Variants in IFFO1 observed in about 807,000 individuals in gnomAD.
The protein encoded by IFFO1 is intermediate filament family orphan 1.
Under a neutral mutation model 59.6 loss-of-function variants are expected in IFFO1, and 42 were observed. That is an observed-to-expected ratio of 0.70 (90% CI 0.55 to 0.91). IFFO1 has a LOEUF of 0.91. Ranked by LOEUF, IFFO1 falls within the 40% of genes least tolerant of loss-of-function variation. The probability of loss-of-function intolerance (pLI) is 0.00; values close to 1 mark genes in which losing one functional copy is unlikely to be tolerated. For synonymous variants in IFFO1, 336 were observed against 342.8 expected (o/e 0.98, Z 0.22); for missense variants, 711 against 793.2 (o/e 0.90, Z 1.24).
In IFFO1 at chr12:6,550,774, T is replaced by C. The variant is rs754265635; in HGVS notation, c.851A>G (p.Asp284Gly). ...NELQEEAQEADACQEELALKV... is the reference protein window; with the variant it reads ...NELQEEAQEAGACQEELALKV... The stretch of plus-strand genomic sequence containing the variant: ...CAGTGCCAGCTCCTCCTGGCAGGCA[T>C]CAGCCTCCTGGGCTTCCTGCAGTTG... Residue 284 changes from aspartate (D) to glycine (G), a missense_variant, in exon 3 of 10, where the codon GAT (aspartate) becomes GGT (glycine). Asp to Gly is a moderately conservative substitution (Grantham distance 94). Coordinates refer to ENST00000619571, the MANE Select transcript of IFFO1 (RefSeq NM_001193457.2). 2.0e-5 allele frequency: 33 copies of C among 1,613,978 alleles called. No homozygotes were observed. The highest frequency in any genetic ancestry group is 2.3e-5 in the Non-Finnish European group (27 of 1,179,968).
chr12:6,551,413 T>A, intron 1 of IFFO1: 1 of 1,301,572 alleles, frequency 7.7e-7, no homozygotes, highest in Non-Finnish European at 1.0e-6. Flanking sequence ...GTCGCACAGA[T>A]CCGGGCTCCC....
chr12:6,545,699 G>GAAAA (rs3076273), intron 8 of IFFO1, among the ~76,000 whole-genome samples: 3 of 135,368 alleles, frequency 2.2e-5, no homozygotes, highest in Admixed American at 1.5e-4. Context: ...CTCCGTCTCG[G>GAAAA]AAAAAAAAAA....
chr12:6,554,320 C>T (rs563772181), intron 1 of IFFO1, among the ~76,000 whole-genome samples: 2 of 152,286 alleles, frequency 1.3e-5, no homozygotes, highest in South Asian at 2.1e-4. Flanking sequence ...GTCAGTCACC[C>T]GCTCCCTCCT....
At position 6,540,483 on chromosome 12, in the gene IFFO1, CTA is replaced by C. The variant is rs1565560498; in HGVS notation, c.1714_1715del (p.Ter572GlufsTer133). On this transcript the variant is annotated frameshift_variant and stop_lost, in exon 10 of 10. Transcript: ENST00000619571. LOFTEE classifies it high-confidence loss of function. ...RDVSSDSSMR[*>X] ...TCGGGTGCAAGGGGGAGGCAGGTCTCTATCTCATGGAGCTGTCAGATGAGACA... is the reference window on the plus strand; with the variant it reads ...TCGGGTGCAAGGGGGAGGCAGGTCTCTCTCATGGAGCTGTCAGATGAGACA... 13 of 1,613,068 alleles carry C rather than the reference CTA, an allele frequency of 8.1e-6. No homozygotes were observed. Among genetic ancestry groups the C allele is most frequent in the Non-Finnish European group, 1.1e-5 (13 of 1,179,090 alleles).
Position 6,550,931 on chromosome 12 carries a change from C to A in IFFO1, c.834+10G>T, listed in dbSNP as rs760154205. On this transcript the variant is annotated intron_variant, in intron 2 of 9. Transcript: ENST00000619571. ...GGAAGCACCAGCAGCAAGTGGGGCG[C>A]CACCCTCACCTCCTGGAGCTCATTT... 2 of 1,614,032 alleles carry A rather than the reference C, an allele frequency of 1.2e-6. No homozygotes were observed. The highest frequency in any genetic ancestry group is 2.2e-5 in the South Asian group (2 of 91,068).
At position 6,555,148 on chromosome 12, in the gene IFFO1, A is replaced by T; in HGVS notation, c.773+109T>A. 8.9e-7 allele frequency: 1 copy of T among 1,124,552 alleles called. No homozygotes were observed. The highest frequency in any genetic ancestry group is 1.4e-6 in the Non-Finnish European group (1 of 739,882). 69.7% of individuals were successfully genotyped at this position (1,124,552 alleles called of 1,614,324 possible). On this transcript the variant is annotated intron_variant, in intron 1 of 9. Transcript: ENST00000619571. The surrounding 1 kb of genome is among the most constrained non-coding windows in gnomAD (Gnocchi z 8.6). ...CCAAGCTCCTCATTACACAGCACAA[A>T]CTTTACTCTCATTCTTTTCACCCCT...
rs1316818696 is a variant in IFFO1, at chr12:6,555,274, C to A, written c.756G>T (p.Arg252=). The A allele has an allele frequency of 6.2e-7, 1 of 1,614,170 alleles. No individual in the cohort carries two copies. The highest frequency in any genetic ancestry group is 8.5e-7 in the Non-Finnish European group (1 of 1,180,012). ...YNVLAKVKRE[R]DEYKRRWEEE... Reference sequence around the variant, plus strand: ...ATCCCTACCTCCGCTTGTACTCGTCCCGCTCCCGCTTCACTTTGGCCAGCA... The same window carrying A: ...ATCCCTACCTCCGCTTGTACTCGTCACGCTCCCGCTTCACTTTGGCCAGCA... Residue 252 remains arginine (R), a synonymous_variant, in exon 1 of 10, where the codon CGG becomes CGT. Coordinates refer to ENST00000619571, the MANE Select transcript of IFFO1 (RefSeq NM_001193457.2). The surrounding 1 kb of genome is among the most constrained non-coding windows in gnomAD (Gnocchi z 8.6).
At chr12:6,539,347 A>G (rs2240874), downstream of IFFO1, 47,129 of 152,048 alleles carry the variant, frequency 0.31, 8,547 homozygotes, top group East Asian at 0.49. Flanking sequence ...AGCTACAGGC[A>G]TGCTGAAGCA....
chr12:6,555,579 G>T lies in IFFO1; in HGVS notation c.451C>A (p.Pro151Thr). The change falls in exon 1 of 10, where the codon CCT becomes ACT. Residue 151 changes from proline (P) to threonine (T), a missense_variant. By Grantham distance (38) the Pro-to-Thr change is conservative. Around this residue, in one of 3 missense-constraint regions of IFFO1, gnomAD observed 579 missense variants for 650.3 expected, o/e 0.89. Coordinates refer to ENST00000619571, the MANE Select transcript of IFFO1 (RefSeq NM_001193457.2). The surrounding 1 kb of genome is among the most constrained non-coding windows in gnomAD (Gnocchi z 8.6). ...GGCGAGCCCAGCACGCGCGCCGAAG[G>T]GCTGCAGACAGCGGCCGGCCGGGCG... ...LGARPAAVCSPSARVLGSPAR... is the reference protein window; with the variant it reads ...LGARPAAVCSTSARVLGSPAR... 7.0e-7 allele frequency: 1 copy of T among 1,421,464 alleles called. No individual in the cohort carries two copies. The highest frequency in any genetic ancestry group is 3.0e-5 in the East Asian group (1 of 33,668). 88.1% of individuals were successfully genotyped at this position (1,421,464 alleles called of 1,614,324 possible). A position where few individuals can be genotyped will look rare whatever the true frequency, so the allele number is the denominator to read the frequency against.
rs920433963 is a variant in IFFO1 at position 6,548,356 on chromosome 12, G to A, written c.1383+69C>T. The stretch of plus-strand genomic sequence containing the variant: ...ACATGGGGGGACAGAGCAAGGAGAG[G>A]AGCGGGGGAGTGGGCTTCAGGCTGG... On this transcript the variant is annotated intron_variant, in intron 7 of 9. Transcript: ENST00000619571. The surrounding 1 kb of genome is among the most constrained non-coding windows in gnomAD (Gnocchi z 6.1). The A allele has an allele frequency of 6.5e-7, 1 of 1,543,608 alleles. No homozygotes were observed. Among genetic ancestry groups the A allele is most frequent in the South Asian group, 1.2e-5 (1 of 82,246 alleles).
Position 6,555,701 on chromosome 12 carries a change from T to C in IFFO1, c.329A>G (p.Glu110Gly), listed in dbSNP as rs201398011. The change falls in exon 1 of 10, where the codon GAG becomes GGG. Residue 110 changes from glutamate (E) to glycine (G), a missense_variant. By Grantham distance (98) the Glu-to-Gly change is moderately conservative. This residue lies in a region of IFFO1 where 579 missense variants were observed against 650.3 expected (regional missense o/e 0.89). Coordinates refer to ENST00000619571, the MANE Select transcript of IFFO1 (RefSeq NM_001193457.2). The surrounding 1 kb of genome is among the most constrained non-coding windows in gnomAD (Gnocchi z 8.6). ...GCCCCGCCGGCCCTGCTTACCCTCC[T>C]CCAGCGCTTGCTGCAGTTGCTTCTC... ...LLEKQLQQAL[E>G]EGKQGRRGLG... 6.2e-7 allele frequency: 1 copy of C among 1,612,058 alleles called. No individual in the cohort carries two copies. Among genetic ancestry groups the C allele is most frequent in the Non-Finnish European group, 8.5e-7 (1 of 1,179,202 alleles).
At chr12:6,542,270 C>G (rs7297283) in intron 8 of IFFO1, among the ~76,000 whole-genome samples, 40,509 of 152,058 alleles carry the variant, frequency 0.27, 5,470 homozygotes, top group African/African-American at 0.31. Flanking sequence ...ATTCTGAGAC[C>G]TGTCCTGATT....
intron 8 of IFFO1, chr12:6,543,588 A>T (rs1184720294): frequency 6.5e-6 from 1 of 154,248 alleles, no homozygotes; most frequent in Non-Finnish European, 1.4e-5. Context: ...AGTTGCGGAA[A>T]ACAAGTTCAT....
Position 6,549,989 on chromosome 12 carries a change from A to C in IFFO1, c.931-93T>G. ...GCAAGGTCCTCATCCTTCCCACCAC[A>C]TTGCACCGGTGCCTCTTCTGTGGAG... On this transcript the variant is annotated intron_variant, in intron 3 of 9. Transcript: ENST00000619571. The surrounding 1 kb of genome is among the most constrained non-coding windows in gnomAD (Gnocchi z 5.0). 7.4e-7 allele frequency: 1 copy of C among 1,347,538 alleles called. No individual in the cohort carries two copies. The highest frequency in any genetic ancestry group is 1.0e-6 in the Non-Finnish European group (1 of 987,374). The allele number at this position is 1,347,538 out of a possible 1,614,324, so 83.5% of individuals were successfully genotyped here.
At chr12:6,545,786 C>T (rs1220813064) in intron 8 of IFFO1, among the ~76,000 whole-genome samples, 1 of 152,046 alleles carries the variant, frequency 6.6e-6, no homozygotes, top group Non-Finnish European at 1.5e-5. Flanking sequence ...TACTGCCTGC[C>T]CATTAGTTAC....
At chr12:6,547,948 C>G (rs1017605533) in intron 8 of IFFO1, 117 bp downstream of exon 8, 1 of 774,156 alleles carries the variant, frequency 1.3e-6, no homozygotes, top group Non-Finnish European at 2.3e-6. Context: ...AGAGATCACT[C>G]CTCCTCCCAA....
At position 6,541,954 on chromosome 12, in the gene IFFO1, G is replaced by A. The variant is rs969642451; in HGVS notation, c.1480-312C>T. Among the ~76,000 whole-genome samples the A allele has an allele frequency of 6.6e-6, 1 of 152,134 alleles. No individual in the cohort carries two copies. Among genetic ancestry groups the A allele is most frequent in the Admixed American group, 6.5e-5 (1 of 15,282 alleles). On this transcript the variant is annotated intron_variant, in intron 8 of 9. Transcript: ENST00000619571. This position sits in a 1 kb window ranked among gnomAD's most constrained non-coding sequence, Gnocchi z 4.8. The stretch of plus-strand genomic sequence containing the variant: ...TGGGCGGGATGGAGCAGATCCACAG[G>A]CTCCCAGGGCCACACAGGTTCCTAT...
At position 6,555,473 on chromosome 12, in the gene IFFO1, G is replaced by C; in HGVS notation, c.557C>G (p.Ser186Cys). Residue 186 changes from serine (S) to cysteine (C), a missense_variant, in exon 1 of 10, where the codon TCC becomes TGC. By Grantham distance (112) the Ser-to-Cys change is moderately radical. This residue lies in a region of IFFO1 where 579 missense variants were observed against 650.3 expected (regional missense o/e 0.89). Coordinates refer to ENST00000619571, the MANE Select transcript of IFFO1 (RefSeq NM_001193457.2). The surrounding 1 kb of genome is among the most constrained non-coding windows in gnomAD (Gnocchi z 8.6). Reference sequence around the variant, plus strand: ...GCCGGGCATGAAGCGGGCCGACGAGGAATAGGTGGTGGAGGTGGAGGTGGA... The same window carrying C: ...GCCGGGCATGAAGCGGGCCGACGAGCAATAGGTGGTGGAGGTGGAGGTGGA... ...SSSTSTSTTY[S>C]SSARFMPGTI... 6.2e-7 allele frequency: 1 copy of C among 1,612,562 alleles called. No homozygotes were observed. The highest frequency in any genetic ancestry group is 8.5e-7 in the Non-Finnish European group (1 of 1,179,302).
Position 6,555,782 on chromosome 12 carries a change from C to A in IFFO1, c.248G>T (p.Arg83Leu). 1 of 1,613,088 alleles carries A rather than the reference C, an allele frequency of 6.2e-7. No individual in the cohort carries two copies. The highest frequency in any genetic ancestry group is 8.5e-7 in the Non-Finnish European group (1 of 1,179,420). Residue 83 changes from arginine to leucine, a missense_variant, in exon 1 of 10, where the codon CGG becomes CTG. By Grantham distance (102) the Arg-to-Leu change is moderately radical. Coordinates refer to ENST00000619571, the MANE Select transcript of IFFO1 (RefSeq NM_001193457.2). The surrounding 1 kb of genome is among the most constrained non-coding windows in gnomAD (Gnocchi z 8.6). ...CACCTTGGCCAGGAAGCAGCGGAACCGGAGGTTCAGGGTCTTGAGCACGTT... is the reference window on the plus strand; with the variant it reads ...CACCTTGGCCAGGAAGCAGCGGAACAGGAGGTTCAGGGTCTTGAGCACGTT... ...NINVLKTLNL[R>L]FRCFLAKVHE... is the part of the protein sequence containing the mutation.
Sources: allele counts gnomAD v4.1 joint callset (sites outside exome capture counted in the v4.1 genomes callset), GRCh38; gene constraint gnomAD v4.1.1; regional missense constraint gnomAD v4.1.1; non-coding constraint Gnocchi (gnomAD v3.1); transcripts MANE v1.5; gene names NCBI Gene and HGNC (gene_info 2026-07-23, HGNC 2026-07-21).